ZMAT4: variants seen among roughly 807,000 people sequenced by gnomAD.
ZMAT4 encodes the protein zinc finger matrin-type protein 4.
In ZMAT4, 17 loss-of-function variants were observed where a neutral mutation model predicts 28.7. The ratio of observed to expected loss-of-function variants is 0.59; its 90% CI spans 0.41 to 0.89. ZMAT4 has a LOEUF of 0.89. Among genes scored for constraint, ZMAT4 ranks in the 40% least tolerant of loss-of-function variants. The pLI is 0.00. For synonymous variants in ZMAT4, 117 were observed against 109.2 expected, an observed-to-expected ratio of 1.07 and a Z score of -0.44; for missense variants, 240 against 283.8, an observed-to-expected ratio of 0.85 and a Z score of 1.11.
intron 4 of ZMAT4, among the ~76,000 whole-genome samples, chr8:40,677,628 T>C (rs895671300): frequency 1.3e-5 from 2 of 152,076 alleles, no homozygotes; most frequent in African/African-American, 2.4e-5. Context: ...ATATAGAAAT[T>C]ATGTGGGAGG....
intron 5 of ZMAT4, among the ~76,000 whole-genome samples, chr8:40,651,430 A>C (rs1807643977): frequency 6.6e-6 from 1 of 151,722 alleles, no homozygotes; most frequent in South Asian, 2.1e-4. Flanking sequence ...ATAAAAGAGG[A>C]TACAAACAAA....
At chr8:40,633,503 T>C (rs111934965) in intron 5 of ZMAT4, among the ~76,000 whole-genome samples, 85 of 152,200 alleles carry the variant, frequency 5.6e-4, no homozygotes, top group African/African-American at 1.9e-3. Context: ...TGGGGAGATA[T>C]TTGGGCAGAA....
rs1413679057 is a variant in ZMAT4 at position 40,532,131 on chromosome 8, C to G, written c.*92G>C. Reference sequence around the variant, plus strand: ...ATCCTTATAAGAAATGTTTATTGTTCAAGAAAGAAGCCTCCTCTGGTGGTT... The same window carrying G: ...ATCCTTATAAGAAATGTTTATTGTTGAAGAAAGAAGCCTCCTCTGGTGGTT... On this transcript the variant is annotated 3_prime_UTR_variant, in exon 7 of 7. Coordinates refer to ENST00000297737, the MANE Select transcript of ZMAT4 (RefSeq NM_024645.3). 1 of 1,250,144 alleles carries G rather than the reference C, an allele frequency of 8.0e-7. No homozygotes were observed. Among genetic ancestry groups the G allele is most frequent in the Non-Finnish European group, 1.1e-6 (1 of 922,062 alleles). The allele number at this position is 1,250,144 out of a possible 1,614,324, so 77.4% of individuals were successfully genotyped here. A position where few individuals can be genotyped will look rare whatever the true frequency, so the allele number is the denominator to read the frequency against.
chr8:40,788,682 C>A (rs1351344913), intron 2 of ZMAT4, among the ~76,000 whole-genome samples: 3 of 151,916 alleles, frequency 2.0e-5, no homozygotes, highest in African/African-American at 7.3e-5. Flanking sequence ...TACACCAACT[C>A]TTCCCAAAAT....
chr8:40,844,037 C>CT (rs1160718701), intron 1 of ZMAT4, among the ~76,000 whole-genome samples: 1 of 152,202 alleles, frequency 6.6e-6, no homozygotes, highest in Non-Finnish European at 1.5e-5. Flanking sequence ...CTGATAGACC[C>CT]TGGGCTTCTT....
chr8:40,822,530 G>A (rs1443782106), intron 2 of ZMAT4, among the ~76,000 whole-genome samples: 2 of 152,210 alleles, frequency 1.3e-5, no homozygotes, highest in Non-Finnish European at 2.9e-5. Context: ...CTGGAGAGAA[G>A]AGGCAGATTG....
chr8:40,623,782 A>G (rs899046347), intron 5 of ZMAT4, among the ~76,000 whole-genome samples: 1 of 152,208 alleles, frequency 6.6e-6, no homozygotes, highest in Non-Finnish European at 1.5e-5. Flanking sequence ...AAGATGAAAT[A>G]AAGGATCCCT....
intron 3 of ZMAT4, among the ~76,000 whole-genome samples, chr8:40,761,441 C>T (rs1454749321): frequency 6.6e-6 from 1 of 152,062 alleles, no homozygotes; most frequent in African/African-American, 2.4e-5. Flanking sequence ...AGAACAGGCG[C>T]CCCGTCATGG....
intron 5 of ZMAT4, among the ~76,000 whole-genome samples, chr8:40,630,738 C>T (rs1777051970): frequency 2.0e-5 from 3 of 152,116 alleles, no homozygotes; most frequent in Admixed American, 6.5e-5. Flanking sequence ...TATGAGCACT[C>T]TATGTAACTC....
At chr8:40,718,318 T>A (rs1810940121) in intron 3 of ZMAT4, among the ~76,000 whole-genome samples, 2 of 152,168 alleles carry the variant, frequency 1.3e-5, no homozygotes, top group African/African-American at 4.8e-5. Context: ...GACCCCAGCA[T>A]CCTCTTAGGT....
intron 3 of ZMAT4, among the ~76,000 whole-genome samples, chr8:40,730,342 A>G (rs371862345): frequency 1.3e-5 from 2 of 152,258 alleles, no homozygotes; most frequent in Admixed American, 6.5e-5. Flanking sequence ...ATAAAAATAC[A>G]TAACAGGAAA....
At position 40,674,684 on chromosome 8, in the gene ZMAT4, G is replaced by A; in HGVS notation, c.577+20C>T. On this transcript the variant is annotated intron_variant, in intron 5 of 6. Transcript: ENST00000297737. ...CTGAAAGCCCAGTTTTGTGGCAGAAGTGAGAAGAGCTGCCCTTACCTCTCA... is the reference window on the plus strand; with the variant it reads ...CTGAAAGCCCAGTTTTGTGGCAGAAATGAGAAGAGCTGCCCTTACCTCTCA... 6.3e-7 allele frequency: 1 copy of A among 1,598,548 alleles called. No homozygotes were observed. The highest frequency in any genetic ancestry group is 8.6e-7 in the Non-Finnish European group (1 of 1,166,216).
At chr8:40,816,765 T>C (rs979211584) in intron 2 of ZMAT4, among the ~76,000 whole-genome samples, 4 of 152,222 alleles carry the variant, frequency 2.6e-5, no homozygotes, top group Admixed American at 2.0e-4. Flanking sequence ...TCATTACTAA[T>C]TGTCTATTTT....
chr8:40,737,805 T>C (rs1366761439), intron 3 of ZMAT4, among the ~76,000 whole-genome samples: 1 of 150,760 alleles, frequency 6.6e-6, no homozygotes, highest in East Asian at 1.9e-4. Flanking sequence ...TGTCTTATCC[T>C]TTGCTTATTT....
At chr8:40,641,904 G>T (rs1262870054) in intron 5 of ZMAT4, among the ~76,000 whole-genome samples, 1 of 151,754 alleles carries the variant, frequency 6.6e-6, no homozygotes, top group Non-Finnish European at 1.5e-5. Flanking sequence ...AGCAGCCTGG[G>T]CAACAAAGCG....
chr8:40,776,209 G>T (rs970822110), intron 2 of ZMAT4, among the ~76,000 whole-genome samples: 1 of 152,154 alleles, frequency 6.6e-6, no homozygotes, highest in Non-Finnish European at 1.5e-5. Flanking sequence ...AAGCAAAAAG[G>T]GTAGTCCCAA....
chr8:40,818,739 T>C (rs1390312472), intron 2 of ZMAT4, among the ~76,000 whole-genome samples: 13 of 152,166 alleles, frequency 8.5e-5, no homozygotes, highest in Admixed American at 8.5e-4. Context: ...GTTGGGGCAG[T>C]GCTGGGTGGT....
At chr8:40,866,738 C>T (rs1208784334) in intron 1 of ZMAT4, among the ~76,000 whole-genome samples, 1 of 152,090 alleles carries the variant, frequency 6.6e-6, no homozygotes, top group African/African-American at 2.4e-5. Flanking sequence ...GGCAAGCACC[C>T]GGGGAGTCCT....
rs78042034 is a variant in ZMAT4 at position 40,548,361 on chromosome 8, T to C, written c.675-16123A>G. On this transcript the variant is annotated intron_variant, in intron 6 of 6. Coordinates refer to ENST00000297737, the MANE Select transcript of ZMAT4 (RefSeq NM_024645.3). ...GCATATAGCTATCTCCTGGCATAGA[T>C]AGGTGATTTTTAAAATGCTATTTTG... Among the ~76,000 whole-genome samples, 10 of 152,194 alleles carry C rather than the reference T, an allele frequency of 6.6e-5. No individual in the cohort carries two copies. The East Asian group carries it at 1.7e-3, about 26-fold the overall frequency.
Sources: allele counts gnomAD v4.1 joint callset (sites outside exome capture counted in the v4.1 genomes callset), GRCh38; gene constraint gnomAD v4.1.1; transcripts MANE v1.5; gene names NCBI Gene and HGNC (gene_info 2026-07-23, HGNC 2026-07-21).